The following EXOC6B variants were observed in gnomAD, a reference collection of about 807,000 sequenced individuals.
EXOC6B encodes the protein SEC15 homolog B.
A neutral mutation model predicts 113.5 loss-of-function variants in EXOC6B; 54 were observed. That is an observed-to-expected ratio of 0.48 (90% CI 0.38 to 0.60). The LOEUF (loss-of-function observed/expected upper bound fraction) is 0.60. Among genes scored for constraint, EXOC6B ranks in the 20% least tolerant of loss-of-function variants. The probability of loss-of-function intolerance (pLI) is 0.00; values close to 1 mark genes in which losing one functional copy is unlikely to be tolerated. For synonymous variants in EXOC6B, 357 were observed against 339.0 expected, an observed-to-expected ratio of 1.05 and a Z score of -0.58; for missense variants, 797 against 977.5, an observed-to-expected ratio of 0.82 and a Z score of 2.46.
intron 18 of EXOC6B, among the ~76,000 whole-genome samples, chr2:72,401,524 CATATAT>C (rs1186731784): frequency 0.019 from 551 of 29,674 alleles, 24 homozygotes; most frequent in Middle Eastern, 0.1. Context: ...TACATATATA[CATATAT>C]ATATATATAT....
intron 19 of EXOC6B, among the ~76,000 whole-genome samples, chr2:72,349,369 T>G (rs574674233): frequency 1.7e-4 from 26 of 152,224 alleles, no homozygotes; most frequent in African/African-American, 5.3e-4. Context: ...TAACTGATGG[T>G]GGGGTCTTAG....
intron 18 of EXOC6B, chr2:72,464,129 A>G (rs1479525739): frequency 6.6e-6 from 1 of 152,212 alleles, no homozygotes; most frequent in African/African-American, 2.4e-5. Flanking sequence ...GTACACAAAC[A>G]TTCAGATCAC....
intron 20 of EXOC6B, among the ~76,000 whole-genome samples, chr2:72,330,658 A>G (rs893890184): frequency 3.9e-5 from 6 of 152,084 alleles, no homozygotes; most frequent in Non-Finnish European, 7.4e-5. Flanking sequence ...ACTTATAGGT[A>G]CAAACTTGCT....
chr2:72,326,244 C>G (rs1321583954), intron 20 of EXOC6B, among the ~76,000 whole-genome samples: 1 of 152,122 alleles, frequency 6.6e-6, no homozygotes, highest in Non-Finnish European at 1.5e-5. Flanking sequence ...AATGACTCTC[C>G]TGTCCCTTCT....
At chr2:72,543,970 T>C (rs1294933699) in intron 8 of EXOC6B, among the ~76,000 whole-genome samples, 1 of 152,194 alleles carries the variant, frequency 6.6e-6, no homozygotes, top group Non-Finnish European at 1.5e-5. Context: ...TACATTCTTA[T>C]TGTTCAGGAA....
At chr2:72,570,408 CACA>C (rs1358528059) in intron 7 of EXOC6B, among the ~76,000 whole-genome samples, 2 of 152,152 alleles carry the variant, frequency 1.3e-5, no homozygotes, top group African/African-American at 4.8e-5. Context: ...ATTACTACAG[CACA>C]ACAATAATCA....
intron 6 of EXOC6B, among the ~76,000 whole-genome samples, chr2:72,624,457 T>C (rs1671930789): frequency 6.6e-6 from 1 of 152,138 alleles, no homozygotes; most frequent in African/African-American, 2.4e-5. Context: ...TGCTCTGATT[T>C]TGACCGGGTG....
chr2:72,563,942 C>A (rs1370749168), intron 7 of EXOC6B, among the ~76,000 whole-genome samples: 1 of 151,908 alleles, frequency 6.6e-6, no homozygotes, highest in Non-Finnish European at 1.5e-5. Context: ...TTTTTCTAAC[C>A]CTTCCCCCAA....
chr2:72,176,823 C>T lies in EXOC6B; in HGVS notation c.*2512G>A, dbSNP rs572545170. On this transcript the variant is annotated 3_prime_UTR_variant, in exon 22 of 22. Coordinates refer to ENST00000272427, the MANE Select transcript of EXOC6B (RefSeq NM_015189.3). The stretch of plus-strand genomic sequence containing the variant: ...GCTTCTAGCCATCTGTGTGCTTGCC[C>T]TCTTATTGAGGCCCTCCACGGTACT... 6.6e-6 allele frequency: 1 copy of T among 152,184 alleles called. No individual in the cohort carries two copies. The highest frequency in any genetic ancestry group is 2.1e-4 in the South Asian group (1 of 4,826). The allele number at this position is 152,184 out of a possible 1,614,324, so 9.4% of individuals were successfully genotyped here. A position where few individuals can be genotyped will look rare whatever the true frequency, so the allele number is the denominator to read the frequency against.
chr2:72,674,790 C>A (rs1338449687), intron 6 of EXOC6B, among the ~76,000 whole-genome samples: 3 of 151,426 alleles, frequency 2.0e-5, no homozygotes, highest in Non-Finnish European at 4.4e-5. Flanking sequence ...CAGTGTGAGA[C>A]TCCATCTCAA....
intron 1 of EXOC6B, among the ~76,000 whole-genome samples, chr2:72,762,030 G>A (rs187297206): frequency 1.4e-4 from 22 of 152,128 alleles, no homozygotes; most frequent in Non-Finnish European, 2.6e-4. Flanking sequence ...CAGATCACAA[G>A]GTCAAGGGAT....
At chr2:72,388,336 C>T (rs1242030284) in intron 18 of EXOC6B, among the ~76,000 whole-genome samples, 1 of 152,060 alleles carries the variant, frequency 6.6e-6, no homozygotes, top group Non-Finnish European at 1.5e-5. Flanking sequence ...TGTCTAATAT[C>T]CAATGATTTG....
intron 19 of EXOC6B, among the ~76,000 whole-genome samples, chr2:72,341,550 C>G (rs551553968): frequency 4.6e-5 from 7 of 152,218 alleles, no homozygotes; most frequent in Admixed American, 1.3e-4. Flanking sequence ...ATAAAGGAAT[C>G]AATTCATCAG....
At chr2:72,182,384 G>A (rs1187961150) in intron 21 of EXOC6B, among the ~76,000 whole-genome samples, 1 of 152,130 alleles carries the variant, frequency 6.6e-6, no homozygotes, top group Non-Finnish European at 1.5e-5. Flanking sequence ...GGACACATAT[G>A]ACCATTAAAT....
chr2:72,269,270 CAA>C (rs113048928), intron 20 of EXOC6B, among the ~76,000 whole-genome samples: 1 of 145,956 alleles, frequency 6.9e-6, no homozygotes, highest in African/African-American at 2.5e-5. Context: ...AAATTTCTGC[CAA>C]AAAAAAAATA....
At chr2:72,317,982 G>T (rs1330175458) in intron 20 of EXOC6B, among the ~76,000 whole-genome samples, 1 of 152,126 alleles carries the variant, frequency 6.6e-6, no homozygotes, top group African/African-American at 2.4e-5. Context: ...CTTAGATTAG[G>T]TTTTTAGAGC....
chr2:72,762,275 A>G (rs192049665), intron 1 of EXOC6B, among the ~76,000 whole-genome samples: 74 of 152,006 alleles, frequency 4.9e-4, no homozygotes, highest in Admixed American at 2.0e-4. Flanking sequence ...AAAAGAAGAA[A>G]AAACCTGTGT....
chr2:72,236,443 A>G (rs1397845973), intron 20 of EXOC6B, among the ~76,000 whole-genome samples: 1 of 152,226 alleles, frequency 6.6e-6, no homozygotes, highest in African/African-American at 2.4e-5. Flanking sequence ...TCTTTAATTT[A>G]GATTTCCAAA....
chr2:72,359,414 C>T, intron 19 of EXOC6B, among the ~76,000 whole-genome samples: 1 of 152,050 alleles, frequency 6.6e-6, no homozygotes, highest in East Asian at 1.9e-4. Context: ...CAATAAGTTG[C>T]CATCTTGGAA....
Sources: allele counts gnomAD v4.1 joint callset (sites outside exome capture counted in the v4.1 genomes callset), GRCh38; gene constraint gnomAD v4.1.1; transcripts MANE v1.5; gene names NCBI Gene and HGNC (gene_info 2026-07-23, HGNC 2026-07-21).